Variants in RBFOX1 observed in about 807,000 individuals in gnomAD.
The protein encoded by RBFOX1 is RNA binding protein fox-1 homolog 1.
Under a neutral mutation model 57.7 loss-of-function variants are expected in RBFOX1, and 8 were observed. The observed-to-expected ratio is 0.14, with a 90% CI of 0.08 to 0.25. The LOEUF (loss-of-function observed/expected upper bound fraction) is 0.25, where lower values mean the gene tolerates loss of function less well. RBFOX1 is among the 10% of genes least tolerant of loss of function. The pLI, the probability that RBFOX1 is intolerant of heterozygous loss-of-function variation, is 1.00. For missense variants in RBFOX1, 611 were observed against 548.5 expected (o/e 1.11, Z -1.14); for synonymous variants, 326 against 222.4 (o/e 1.47, Z -4.15).
intron 1 of RBFOX1, among the ~76,000 whole-genome samples, chr16:6,064,964 A>C (rs549222989): frequency 1.4e-3 from 208 of 152,148 alleles, no homozygotes; most frequent in Non-Finnish European, 2.5e-3. Context: ...CTGTAATTAA[A>C]AATTAAAAAA....
intron 2 of RBFOX1, among the ~76,000 whole-genome samples, chr16:6,410,203 T>C (rs1248135492): frequency 1.3e-5 from 2 of 150,714 alleles, no homozygotes; most frequent in Admixed American, 6.6e-5. Flanking sequence ...TGTGTGTGTG[T>C]GCTGGTGCAT....
At chr16:6,975,597 A>G (rs2086655722) in intron 3 of RBFOX1, among the ~76,000 whole-genome samples, 1 of 152,168 alleles carries the variant, frequency 6.6e-6, no homozygotes, top group Non-Finnish European at 1.5e-5. Context: ...AGCACCTGGG[A>G]GAAAATTGAT....
intron 2 of RBFOX1, among the ~76,000 whole-genome samples, chr16:6,506,879 C>T (rs995073290): frequency 6.6e-6 from 1 of 152,068 alleles, no homozygotes; most frequent in Admixed American, 6.5e-5. Flanking sequence ...AACTCCTGAC[C>T]TCAAGTGATC....
At chr16:5,893,198 T>A (rs1293700451) in intron 4 of RBFOX1, among the ~76,000 whole-genome samples, 1 of 152,224 alleles carries the variant, frequency 6.6e-6, no homozygotes, top group East Asian at 1.9e-4. Flanking sequence ...ATGCTCCTCA[T>A]CCTCACATAG....
chr16:7,504,789 ATATATATATATATT>A lies in RBFOX1; in HGVS notation c.28-13344_28-13331del, dbSNP rs1567555453. Among the ~76,000 whole-genome samples, 66 of 23,464 alleles carry A rather than the reference ATATATATATATATT, an allele frequency of 2.8e-3. 3 individuals are homozygous for A. The highest frequency in any genetic ancestry group is 5.4e-3 in the Non-Finnish European group (49 of 9,072). The allele number at this position is 23,464 out of a possible 152,430, so 15.4% of individuals were successfully genotyped here. ...TATATATTTATATATATATATATTT[ATATATATATATATT>A]TATATATATATATATAGTGACTAAC... is the stretch of plus-strand genomic sequence containing the variant. On this transcript the variant is annotated intron_variant, in intron 4 of 15. Transcript: ENST00000550418.
intron 4 of RBFOX1, among the ~76,000 whole-genome samples, chr16:7,370,921 C>G (rs550382756): frequency 2.0e-5 from 3 of 152,126 alleles, no homozygotes; most frequent in African/African-American, 7.2e-5. Context: ...GTGACTGCAG[C>G]CAGGGTGAGT....
chr16:5,809,562 A>C (rs936420450), intron 3 of RBFOX1, among the ~76,000 whole-genome samples: 1 of 152,248 alleles, frequency 6.6e-6, no homozygotes, highest in African/African-American at 2.4e-5. Flanking sequence ...AGCCAAAAAA[A>C]CACATGAAAA....
chr16:6,206,337 A>G (rs566713461), intron 1 of RBFOX1, among the ~76,000 whole-genome samples: 10 of 152,256 alleles, frequency 6.6e-5, no homozygotes, highest in African/African-American at 2.4e-4. Flanking sequence ...TCCTTCAGGA[A>G]TCTGCTGAAG....
chr16:7,234,650 G>A (rs1362241805), intron 4 of RBFOX1, among the ~76,000 whole-genome samples: 1 of 145,648 alleles, frequency 6.9e-6, no homozygotes, highest in Non-Finnish European at 1.5e-5. Context: ...GTGTGTGTTT[G>A]TGTGTATGTA....
At chr16:5,724,964 C>G (rs1357382527) in intron 3 of RBFOX1, among the ~76,000 whole-genome samples, 1 of 152,158 alleles carries the variant, frequency 6.6e-6, no homozygotes, top group Non-Finnish European at 1.5e-5. Context: ...GGCCATGTAT[C>G]AGGAGGTGTC....
intron 2 of RBFOX1, among the ~76,000 whole-genome samples, chr16:6,534,644 T>C (rs928231705): frequency 2.6e-5 from 4 of 152,200 alleles, no homozygotes; most frequent in Admixed American, 2.0e-4. Context: ...CTACCTTTTA[T>C]ATAAATGCAA....
chr16:6,988,740 TTTGTTTG>T (rs200513036), intron 3 of RBFOX1, among the ~76,000 whole-genome samples: 9,478 of 66,780 alleles, frequency 0.14, 510 homozygotes, highest in South Asian at 0.31. Flanking sequence ...AATTTTTTTT[TTTGTTTG>T]TTTGTTTTTT....
At chr16:7,187,690 C>CAAAAAAAAAAAAAAAAAAAAAAA (rs536529201) in intron 4 of RBFOX1, among the ~76,000 whole-genome samples, 1 of 72,566 alleles carries the variant, frequency 1.4e-5, no homozygotes, top group Non-Finnish European at 2.3e-5. Flanking sequence ...CTCTGTCTCA[C>CAAAAAAAAAAAAAAAAAAAAAAA]AAAAAAAAAA....
intron 4 of RBFOX1, among the ~76,000 whole-genome samples, chr16:7,429,291 C>A (rs2098655521): frequency 6.6e-6 from 1 of 152,206 alleles, no homozygotes; most frequent in Non-Finnish European, 1.5e-5. Flanking sequence ...CCTGCTGAAG[C>A]ACTCAGGGAT....
At chr16:6,473,429 C>T (rs752928737) in intron 2 of RBFOX1, among the ~76,000 whole-genome samples, 3 of 152,100 alleles carry the variant, frequency 2.0e-5, no homozygotes, top group Non-Finnish European at 4.4e-5. Flanking sequence ...GACTCACCCC[C>T]ATTTCATCAC....
At chr16:6,741,784 A>T (rs1000431924) in intron 3 of RBFOX1, among the ~76,000 whole-genome samples, 2 of 152,208 alleles carry the variant, frequency 1.3e-5, no homozygotes, top group Admixed American at 6.5e-5. Flanking sequence ...TAAAGAATTA[A>T]TATCTATAAA....
At chr16:7,031,296 A>G (rs1203501432) in intron 3 of RBFOX1, among the ~76,000 whole-genome samples, 2 of 152,118 alleles carry the variant, frequency 1.3e-5, no homozygotes, top group Non-Finnish European at 2.9e-5. Flanking sequence ...TACACTGTAG[A>G]GATAAAAGCA....
intron 10 of RBFOX1, among the ~76,000 whole-genome samples, chr16:7,615,230 G>T (rs2058239322): frequency 6.6e-6 from 1 of 152,162 alleles, no homozygotes; most frequent in African/African-American, 2.4e-5. Flanking sequence ...CTACTGGGGA[G>T]GCTGAGGCAG....
upstream of RBFOX1, among the ~76,000 whole-genome samples, chr16:6,015,212 T>G (rs1012865375): frequency 1.3e-5 from 2 of 152,132 alleles, no homozygotes; most frequent in Non-Finnish European, 2.9e-5. Context: ...TTTTTCATCC[T>G]TTTCCTATTC....
Sources: gnomAD v4.1 joint callset for allele counts (sites outside exome capture counted in the v4.1 genomes callset) on GRCh38, gnomAD v4.1.1 for gene constraint, MANE v1.5 for transcripts, NCBI Gene and HGNC (gene_info 2026-07-23, HGNC 2026-07-21) for gene names.